The following SOX5 variants were observed in gnomAD, a reference collection of about 807,000 sequenced individuals.
SOX5 encodes the protein transcription factor SOX-5.
In SOX5, 9 loss-of-function variants were observed where a neutral mutation model predicts 92.0. That is an observed-to-expected ratio of 0.10 (90% CI 0.06 to 0.17). The LOEUF is 0.17. SOX5 is among the 10% of genes least tolerant of loss of function. The pLI is 1.00. For synonymous variants in SOX5, 344 were observed against 336.3 expected, an observed-to-expected ratio of 1.02 and a Z score of -0.25; for missense variants, 642 against 944.5, an observed-to-expected ratio of 0.68 and a Z score of 4.20.
chr12:24,116,872 C>T (rs183154383), intron 4 of SOX5, among the ~76,000 whole-genome samples: 3 of 150,462 alleles, frequency 2.0e-5, no homozygotes, highest in Non-Finnish European at 3.0e-5. Flanking sequence ...ATCTATAATG[C>T]GATACATATG....
At position 23,550,287 on chromosome 12, in the gene SOX5, G is replaced by A. The variant is rs573425986; in HGVS notation, c.1489-3863C>T. Among the ~76,000 whole-genome samples, 4 of 151,918 alleles carry A rather than the reference G, an allele frequency of 2.6e-5. No homozygotes were observed. The South Asian group carries it at 8.3e-4, about 32-fold the overall frequency. On this transcript the variant is annotated intron_variant, in intron 11 of 14. Coordinates refer to ENST00000451604, the MANE Select transcript of SOX5 (RefSeq NM_006940.6). ...TAGAAAATAATGAGTTTTGGCATCAGGAATATCATATTTTAATCAAACTCT... is the reference window on the plus strand; with the variant it reads ...TAGAAAATAATGAGTTTTGGCATCAAGAATATCATATTTTAATCAAACTCT...
In SOX5 at chr12:24,040,876, G is replaced by GA. The variant is rs1483077678; in HGVS notation, c.-1-144853dup. Among the ~76,000 whole-genome samples, 19 of 150,886 alleles carry GA rather than the reference G, an allele frequency of 1.3e-4. No homozygotes were observed. The East Asian group carries it at 1.4e-3, about 11-fold the overall frequency. On this transcript the variant is annotated intron_variant, in intron 4 of 4. Transcript: ENST00000446891. ...CGACAGAGCAAGACGCTGTCTCAAGGAAAAAACAAAAAAAAAATTCATTTA... is the reference window on the plus strand; with the variant it reads ...CGACAGAGCAAGACGCTGTCTCAAGGAAAAAAACAAAAAAAAAATTCATTTA...
intron 3 of SOX5, among the ~76,000 whole-genome samples, chr12:23,794,958 A>G (rs2142030414): frequency 6.6e-6 from 1 of 152,272 alleles, no homozygotes; most frequent in African/African-American, 2.4e-5. Context: ...AATATATTAA[A>G]AATTTAATAA....
At chr12:23,724,301 C>T (rs555827082) in intron 6 of SOX5, among the ~76,000 whole-genome samples, 1 of 152,240 alleles carries the variant, frequency 6.6e-6, no homozygotes, top group Non-Finnish European at 1.5e-5. Context: ...CACATACACA[C>T]AGGCCTCAGT....
chr12:24,148,689 A>T (rs1333111177), intron 4 of SOX5, among the ~76,000 whole-genome samples: 2 of 46,912 alleles, frequency 4.3e-5, no homozygotes, highest in South Asian at 1.7e-3. Context: ...CATCTCTACT[A>T]AAAAAAAAAA....
rs564755565 is a variant in SOX5, at chr12:23,815,099, G to T, written c.481+30884C>A. On this transcript the variant is annotated intron_variant, in intron 3 of 14. Transcript: ENST00000451604. ...GGCCAAGATTACAATGGTCATTCCT[G>T]TTAGAATCAAAGAAGTCACTTTAGA... 1.3e-3 allele frequency among the ~76,000 whole-genome samples: 193 copies of T among 152,190 alleles called. 1 individual carries two copies. Among genetic ancestry groups the T allele is most frequent in the Non-Finnish European group, 2.2e-3 (147 of 67,986 alleles).
intron 1 of SOX5, among the ~76,000 whole-genome samples, chr12:24,390,270 G>T (rs1958855775): frequency 6.6e-6 from 1 of 152,094 alleles, no homozygotes. Flanking sequence ...TTATCTCATT[G>T]GTTATGAACA....
At chr12:24,331,848 CAAAAAAAAAAAAAA>C (rs10627494) in intron 2 of SOX5, among the ~76,000 whole-genome samples, 14 of 31,662 alleles carry the variant, frequency 4.4e-4, no homozygotes, top group Non-Finnish European at 6.2e-4. Flanking sequence ...AAGACTGTCT[CAAAAAAAAAAAAAA>C]AAAAAAAAAA....
At chr12:23,640,119 A>T (rs2079847119) in intron 8 of SOX5, among the ~76,000 whole-genome samples, 1 of 152,236 alleles carries the variant, frequency 6.6e-6, no homozygotes, top group African/African-American at 2.4e-5. Flanking sequence ...TGGGATGCTG[A>T]TTCAAAAATG....
intron 1 of SOX5, among the ~76,000 whole-genome samples, chr12:24,528,095 G>A (rs1385101629): frequency 6.6e-6 from 1 of 152,150 alleles, no homozygotes; most frequent in African/African-American, 2.4e-5. Flanking sequence ...GTCAAACATA[G>A]GGAATGAATA....
intron 6 of SOX5, among the ~76,000 whole-genome samples, chr12:23,716,043 C>T (rs1323468052): frequency 6.6e-6 from 1 of 152,034 alleles, no homozygotes; most frequent in Admixed American, 6.6e-5. Flanking sequence ...TTGAAGCTTA[C>T]CAAAAATTTG....
rs1948287481 is a variant in SOX5, at chr12:23,571,071, G to A, written c.1342+4590C>T. Among the ~76,000 whole-genome samples the A allele has an allele frequency of 2.0e-5, 3 of 146,368 alleles. No homozygotes were observed. The South Asian group carries it at 6.5e-4, about 32-fold the overall frequency. On this transcript the variant is annotated intron_variant, in intron 10 of 14. Transcript: ENST00000451604. Reference sequence around the variant, plus strand: ...GTGGGAGGATCATTTGAGTCCAGGAGGTGGAGGTTGCAGTGAGCCAACCAC... The same window carrying A: ...GTGGGAGGATCATTTGAGTCCAGGAAGTGGAGGTTGCAGTGAGCCAACCAC...
At chr12:24,066,057 AAGT>A (rs1166313226) in intron 4 of SOX5, among the ~76,000 whole-genome samples, 1 of 152,240 alleles carries the variant, frequency 6.6e-6, no homozygotes, top group Non-Finnish European at 1.5e-5. Context: ...CTAAAAAAAA[AAGT>A]AGGATTTCAA....
intron 1 of SOX5, among the ~76,000 whole-genome samples, chr12:23,946,231 C>T (rs1387731284): frequency 1.3e-5 from 2 of 152,092 alleles, no homozygotes; most frequent in Non-Finnish European, 2.9e-5. Flanking sequence ...ATAGGTGATA[C>T]TAACAACCTA....
intron 1 of SOX5, among the ~76,000 whole-genome samples, chr12:24,391,316 CATT>C (rs2136487697): frequency 6.6e-6 from 1 of 152,172 alleles, no homozygotes; most frequent in African/African-American, 2.4e-5. Flanking sequence ...AATTTTATCT[CATT>C]ATGTTTTGAC....
Position 24,021,781 on chromosome 12 carries a change from C to T in SOX5, c.-1-125757G>A, listed in dbSNP as rs547772029. ...CTCATCATCGTGGATTATCAGAATT[C>T]GTATCATCCAATGTGATGTGGCAAA... On this transcript the variant is annotated intron_variant, in intron 4 of 4. Coordinates refer to the SOX5 transcript ENST00000446891. Among the ~76,000 whole-genome samples the T allele has an allele frequency of 3.3e-5, 5 of 152,206 alleles. No homozygotes were observed. The South Asian group carries it at 6.2e-4, about 19-fold the overall frequency.
At chr12:23,983,093 GA>G (rs1435925228) in intron 4 of SOX5, among the ~76,000 whole-genome samples, 1 of 144,008 alleles carries the variant, frequency 6.9e-6, no homozygotes, top group Non-Finnish European at 1.5e-5. Context: ...TAGTCACTGG[GA>G]TCTGGAGTCC....
chr12:24,196,690 GC>G (rs1957041382), intron 4 of SOX5, among the ~76,000 whole-genome samples: 1 of 152,070 alleles, frequency 6.6e-6, no homozygotes, highest in African/African-American at 2.4e-5. Context: ...GTTCACTTGA[GC>G]CCAGGAGTTC....
At chr12:23,796,453 T>C (rs892729147) in intron 3 of SOX5, among the ~76,000 whole-genome samples, 2 of 152,200 alleles carry the variant, frequency 1.3e-5, no homozygotes, top group Middle Eastern at 3.4e-3. Context: ...TATTCATAGC[T>C]GAGTTGCATA....
Sources: allele counts gnomAD v4.1 joint callset (sites outside exome capture counted in the v4.1 genomes callset), GRCh38; gene constraint gnomAD v4.1.1; transcripts MANE v1.5; gene names NCBI Gene and HGNC (gene_info 2026-07-23, HGNC 2026-07-21).